The following PTPRZ1 variants were observed in gnomAD, a reference collection of about 807,000 sequenced individuals.
PTPRZ1 encodes the protein receptor-type tyrosine-protein phosphatase zeta.
A neutral mutation model predicts 214.1 loss-of-function variants in PTPRZ1; 82 were observed. The observed-to-expected ratio is 0.38, with a 90% CI of 0.32 to 0.46. The LOEUF (loss-of-function observed/expected upper bound fraction) is 0.46, where lower values mean the gene tolerates loss of function less well. Among genes scored for constraint, PTPRZ1 ranks in the 20% least tolerant of loss-of-function variants. The pLI is 1.00. For missense variants in PTPRZ1, 2,603 were observed against 2,748.7 expected, an observed-to-expected ratio of 0.95 and a Z score of 1.19; for synonymous variants, 945 against 987.9, an observed-to-expected ratio of 0.96 and a Z score of 0.81.
At chr7:121,907,610 A>T (rs926206746) in intron 1 of PTPRZ1, among the ~76,000 whole-genome samples, 7 of 151,992 alleles carry the variant, frequency 4.6e-5, no homozygotes, top group African/African-American at 1.7e-4. Context: ...AATTTTTTCA[A>T]GGTTTAGAGT....
chr7:121,971,101 T>G (rs932441415), intron 3 of PTPRZ1, among the ~76,000 whole-genome samples: 1 of 152,148 alleles, frequency 6.6e-6, no homozygotes, highest in Non-Finnish European at 1.5e-5. Context: ...TTGTCAAAGA[T>G]CAGATAGCTG....
intron 27 of PTPRZ1, among the ~76,000 whole-genome samples, chr7:122,056,247 G>C (rs1234533217): frequency 6.6e-6 from 1 of 151,614 alleles, no homozygotes; most frequent in Non-Finnish European, 1.5e-5. Flanking sequence ...CCATTATCCT[G>C]ATCACTGATC....
rs144574732 is a variant in PTPRZ1 at position 121,962,449 on chromosome 7, A to AAATAATAATAAT, written c.125-5480_125-5469dup. 7.3e-4 allele frequency among the ~76,000 whole-genome samples: 109 copies of AAATAATAATAAT among 148,468 alleles called. 2 individuals carry two copies. Among genetic ancestry groups the AAATAATAATAAT allele is most frequent in the Middle Eastern group, 3.5e-3 (1 of 286 alleles). Reference sequence around the variant, plus strand: ...GGCAATAGAGAGATGCTCTGTCTCAAAATAATAATAATAATAATAATAATA... The same window carrying AAATAATAATAAT: ...GGCAATAGAGAGATGCTCTGTCTCAAAATAATAATAATAATAATAATAATAATAATAATAATA... On this transcript the variant is annotated intron_variant, in intron 2 of 29. Coordinates refer to ENST00000393386, the MANE Select transcript of PTPRZ1 (RefSeq NM_002851.3).
At chr7:122,050,637 C>T (rs1792151796) in intron 23 of PTPRZ1, among the ~76,000 whole-genome samples, 1 of 151,970 alleles carries the variant, frequency 6.6e-6, no homozygotes, top group South Asian at 2.1e-4. Context: ...ATGTTTCCAA[C>T]TTTTTACACA....
At chr7:121,913,346 A>G (rs144254177) in intron 1 of PTPRZ1, among the ~76,000 whole-genome samples, 9 of 152,256 alleles carry the variant, frequency 5.9e-5, no homozygotes, top group African/African-American at 2.2e-4. Context: ...TCAAATATTC[A>G]TCCGCTCAGC....
intron 2 of PTPRZ1, among the ~76,000 whole-genome samples, chr7:121,930,272 C>T (rs960443165): frequency 2.0e-5 from 3 of 152,092 alleles, no homozygotes; most frequent in East Asian, 1.9e-4. Flanking sequence ...AGGACCCATA[C>T]ATCTATAAAA....
At chr7:121,899,300 A>G (rs1794891661) in intron 1 of PTPRZ1, among the ~76,000 whole-genome samples, 1 of 152,150 alleles carries the variant, frequency 6.6e-6, no homozygotes, top group South Asian at 2.1e-4. Flanking sequence ...CAACGTTTCT[A>G]CCTTCTAATA....
Position 122,019,257 on chromosome 7 carries a change from C to T in PTPRZ1, c.4977C>T (p.Leu1659=), listed in dbSNP as rs760905016. The T allele has an allele frequency of 5.0e-6, 8 of 1,611,418 alleles. No homozygotes were observed. The Admixed American group carries it at 1.2e-4, about 24-fold the overall frequency. ...GTCTAGTGGTTCTTGTGGGTATTCTCATCTACTGGAGGTAAGTTGAGTATT... is the reference window on the plus strand; with the variant it reads ...GTCTAGTGGTTCTTGTGGGTATTCTTATCTACTGGAGGTAAGTTGAGTATT... ...FICLVVLVGI[L]IYWRKCFQTA... The change falls in exon 13 of 30, where the codon CTC becomes CTT. Residue 1659 remains leucine (L), a synonymous_variant. Transcript: ENST00000393386.
At chr7:122,041,307 A>G in intron 21 of PTPRZ1, among the ~76,000 whole-genome samples, 1 of 148,020 alleles carries the variant, frequency 6.8e-6, no homozygotes, top group Non-Finnish European at 1.5e-5. Flanking sequence ...ATATAATACC[A>G]TGGGATAAAA....
At chr7:122,038,166 C>T (rs1466049883) in intron 18 of PTPRZ1, among the ~76,000 whole-genome samples, 1 of 152,120 alleles carries the variant, frequency 6.6e-6, no homozygotes, top group African/African-American at 2.4e-5. Flanking sequence ...GTTCCTCCCA[C>T]AACACACAGG....
At chr7:121,901,932 C>CAGT (rs1308784918) in intron 1 of PTPRZ1, among the ~76,000 whole-genome samples, 2 of 152,134 alleles carry the variant, frequency 1.3e-5, no homozygotes, top group East Asian at 3.9e-4. Context: ...CCCTACTGTG[C>CAGT]AGTAGAACAC....
chr7:121,958,951 G>A (rs1796791749), intron 2 of PTPRZ1, among the ~76,000 whole-genome samples: 1 of 152,146 alleles, frequency 6.6e-6, no homozygotes, highest in Admixed American at 6.5e-5. Flanking sequence ...AGCCTCCTGA[G>A]TAGCTGGGAC....
At chr7:121,911,388 A>G (rs1795272356) in intron 1 of PTPRZ1, among the ~76,000 whole-genome samples, 1 of 152,114 alleles carries the variant, frequency 6.6e-6, no homozygotes, top group African/African-American at 2.4e-5. Context: ...ATGACAGAGT[A>G]ATCTGATTGC....
At chr7:121,892,986 T>A (rs1400602017) in intron 1 of PTPRZ1, among the ~76,000 whole-genome samples, 1 of 151,988 alleles carries the variant, frequency 6.6e-6, no homozygotes, top group African/African-American at 2.4e-5. Flanking sequence ...TATCCACAAT[T>A]CCATCAGAGA....
chr7:121,983,946 A>T, intron 7 of PTPRZ1, 21 bp from the exon 8 acceptor site: 1 of 1,608,342 alleles, frequency 6.2e-7, no homozygotes, highest in South Asian at 1.1e-5. Flanking sequence ...GATATGTTAA[A>T]TTATTTGATC....
chr7:121,990,593 T>C (rs1191227593), intron 8 of PTPRZ1, among the ~76,000 whole-genome samples: 3 of 148,970 alleles, frequency 2.0e-5, no homozygotes, highest in Middle Eastern at 3.4e-3. Flanking sequence ...GATCTCTGCT[T>C]ACTGCAGCCT....
chr7:121,953,920 T>C (rs1796632673), intron 2 of PTPRZ1, among the ~76,000 whole-genome samples: 1 of 152,190 alleles, frequency 6.6e-6, no homozygotes. Context: ...GAAATGATGC[T>C]GTGGCTTTTG....
intron 1 of PTPRZ1, among the ~76,000 whole-genome samples, chr7:121,877,889 AAG>A (rs1035562464): frequency 6.6e-6 from 1 of 151,918 alleles, no homozygotes; most frequent in Non-Finnish European, 1.5e-5. Context: ...CAATTTAAAC[AAG>A]AGAGAGATAT....
At chr7:121,962,916 G>C (rs909510130) in intron 2 of PTPRZ1, among the ~76,000 whole-genome samples, 5 of 151,904 alleles carry the variant, frequency 3.3e-5, no homozygotes, top group Admixed American at 6.6e-5. Context: ...TTTTCTACTC[G>C]TGGTGATTTG....
Sources: gnomAD v4.1 joint callset for allele counts (sites outside exome capture counted in the v4.1 genomes callset) on GRCh38, gnomAD v4.1.1 for gene constraint, MANE v1.5 for transcripts, NCBI Gene and HGNC (gene_info 2026-07-23, HGNC 2026-07-21) for gene names.